Variants in VWA7 observed in about 807,000 individuals in gnomAD.
VWA7 encodes the protein von Willebrand factor A domain containing 7, also known as von Willebrand factor A domain-containing protein 7.
VWA7 carries 66 observed loss-of-function variants against 83.1 expected under a neutral mutation model. The observed-to-expected ratio is 0.79, with a 90% CI of 0.65 to 0.98. The LOEUF is 0.98. Ranked by LOEUF, VWA7 falls within the 50% of genes least tolerant of loss-of-function variation. The probability of loss-of-function intolerance (pLI) is 0.00; values close to 1 mark genes in which losing one functional copy is unlikely to be tolerated. For synonymous variants in VWA7, 424 were observed against 488.5 expected (o/e 0.87, Z 1.74); for missense variants, 1,080 against 1,160.2 (o/e 0.93, Z 1.00).
Position 31,769,335 on chromosome 6 carries a change from T to C in VWA7, c.1318-132A>G. 8.7e-7 allele frequency: 1 copy of C among 1,146,706 alleles called. No homozygotes were observed. The highest frequency in any genetic ancestry group is 1.2e-6 in the Non-Finnish European group (1 of 826,946). 71.0% of individuals were successfully genotyped at this position (1,146,706 alleles called of 1,614,324 possible). On this transcript the variant is annotated intron_variant, in intron 9 of 16. Transcript: ENST00000375688. The surrounding 1 kb of genome is among the most constrained non-coding windows in gnomAD (Gnocchi z 4.5). ...AGGTCTCTGCCTGCCTTCTGGCTGCTGGGGTGGGGAATCCCAATGACAGAA... is the reference window on the plus strand; with the variant it reads ...AGGTCTCTGCCTGCCTTCTGGCTGCCGGGGTGGGGAATCCCAATGACAGAA...
chr6:31,777,312 G>A lies in VWA7; in HGVS notation c.-219C>T. On this transcript the variant is annotated 5_prime_UTR_variant, in exon 1 of 17. Transcript: ENST00000375688. This position sits in a 1 kb window ranked among gnomAD's most constrained non-coding sequence, Gnocchi z 5.8. Reference sequence around the variant, plus strand: ...ACGCCAGGGCGGGCCTCCCTTGGCTGCAGTGCGGAGGTGAGTGAGAGCTGG... The same window carrying A: ...ACGCCAGGGCGGGCCTCCCTTGGCTACAGTGCGGAGGTGAGTGAGAGCTGG... 1 of 536,722 alleles carries A rather than the reference G, an allele frequency of 1.9e-6. No individual in the cohort carries two copies. Among genetic ancestry groups the A allele is most frequent in the Non-Finnish European group, 3.3e-6 (1 of 301,572 alleles). The allele number at this position is 536,722 out of a possible 1,614,324, so 33.2% of individuals were successfully genotyped here. A position where few individuals can be genotyped will look rare whatever the true frequency, so the allele number is the denominator to read the frequency against.
Position 31,765,661 on chromosome 6 carries a change from G to GCCAGCCCTGCC in VWA7, c.2598_2608dup (p.Ala870GlyfsTer21), listed in dbSNP as rs769073579. ...TGTGCCCCACCAGGGGCTGCCCGCA[G>GCCAGCCCTGCC]CCAGCCCTGCCCCAGCCCTGCCTTG... On this transcript the variant is annotated frameshift_variant, in exon 17 of 17. Coordinates refer to ENST00000375688, the MANE Select transcript of VWA7 (RefSeq NM_025258.3). LOFTEE classifies it low-confidence loss of function (END_TRUNC). 12 of 1,606,862 alleles carry GCCAGCCCTGCC rather than the reference G, an allele frequency of 7.5e-6. No homozygotes were observed. The highest frequency in any genetic ancestry group is 4.4e-5 in the South Asian group (4 of 90,170).
At position 31,770,047 on chromosome 6, in the gene VWA7, G is replaced by A. The variant is rs1306950290; in HGVS notation, c.1154C>T (p.Ala385Val). The change falls in exon 8 of 17, where the codon GCC (alanine) becomes GTC (valine). Residue 385 changes from alanine to valine, a missense_variant. By Grantham distance (64) the Ala-to-Val change is moderately conservative (BLOSUM62 0). Coordinates refer to ENST00000375688, the MANE Select transcript of VWA7 (RefSeq NM_025258.3). ...CTCAGGCTCGTCTCCACCCCCCAAG[G>A]CATGGATCTCATTAAGCTGTTGCCA... ...SFWQQLNEIH[A>V]LGGGDEPEMC... The A allele has an allele frequency of 1.2e-6, 2 of 1,612,946 alleles. No individual in the cohort carries two copies. Among genetic ancestry groups the A allele is most frequent in the Non-Finnish European group, 1.7e-6 (2 of 1,180,004 alleles).
chr6:31,768,748 G>C (rs551313268), intron 10 of VWA7, among the ~76,000 whole-genome samples: 1 of 152,228 alleles, frequency 6.6e-6, no homozygotes, highest in Admixed American at 6.5e-5. Context: ...GGAGGCTGAG[G>C]CAGGAGAATC....
chr6:31,773,410 T>G lies in VWA7; in HGVS notation c.749A>C (p.Asp250Ala). Residue 250 changes from aspartate to alanine, a missense_variant, in exon 6 of 17, where the codon GAC (aspartate) becomes GCC (alanine). Asp to Ala is a moderately radical substitution (Grantham distance 126). Transcript: ENST00000375688. The surrounding 1 kb of genome is among the most constrained non-coding windows in gnomAD (Gnocchi z 5.3). Reference protein sequence around the residue: ...PGKCSHGGHFDRSSSQPPRGG... With the variant: ...PGKCSHGGHFARSSSQPPRGG... The stretch of plus-strand genomic sequence containing the variant: ...CCTCGGTGGCTGGGAGCTGCTCCGG[T>G]CAAAATGGCCCCCGTGGCTACATTT... 6.2e-7 allele frequency: 1 copy of G among 1,601,054 alleles called. No homozygotes were observed. The highest frequency in any genetic ancestry group is 8.5e-7 in the Non-Finnish European group (1 of 1,174,322).
At position 31,770,009 on chromosome 6, in the gene VWA7, C is replaced by T. The variant is rs755625728; in HGVS notation, c.1192G>A (p.Ala398Thr). The T allele has an allele frequency of 7.4e-6, 12 of 1,612,834 alleles. 1 individual carries two copies. Among genetic ancestry groups the T allele is most frequent in the Non-Finnish European group, 9.3e-6 (11 of 1,179,932 alleles). ...GAAGGGAGGGGCCAGACCTGCAGGGCTGACAGGCACATCTCAGGCTCGTCT... is the reference window on the plus strand; with the variant it reads ...GAAGGGAGGGGCCAGACCTGCAGGGTTGACAGGCACATCTCAGGCTCGTCT... ...GGDEPEMCLS[A>T]LQLALLHTPP... Residue 398 changes from alanine to threonine, a missense_variant, in exon 8 of 17, where the codon GCC becomes ACC. By Grantham distance (58) the Ala-to-Thr change is moderately conservative. Coordinates refer to ENST00000375688, the MANE Select transcript of VWA7 (RefSeq NM_025258.3).
chr6:31,776,100 A>T lies in VWA7; in HGVS notation c.377T>A (p.Leu126Gln), dbSNP rs778858150. The T allele has an allele frequency of 6.8e-6, 11 of 1,613,906 alleles. No individual in the cohort carries two copies. Among genetic ancestry groups the T allele is most frequent in the Non-Finnish European group, 9.3e-6 (11 of 1,180,038 alleles). ...ACCCAGTCGCTCAGCATCAAAGTGC[A>T]GGTCGGGGTCATTCCTGGAAGTTGG... ...FLPTSRNDPD[L>Q]HFDAERLGQG... Residue 126 changes from leucine (L) to glutamine (Q), a missense_variant, in exon 3 of 17, where the codon CTG (leucine) becomes CAG (glutamine). By Grantham distance (113) the Leu-to-Gln change is moderately radical (BLOSUM62 -2). Transcript: ENST00000375688. This position sits in a 1 kb window ranked among gnomAD's most constrained non-coding sequence, Gnocchi z 6.2.
Position 31,777,040 on chromosome 6 carries a change from G to C in VWA7, c.-16+69C>G. On this transcript the variant is annotated intron_variant, in intron 1 of 16. Transcript: ENST00000375688. The surrounding 1 kb of genome is among the most constrained non-coding windows in gnomAD (Gnocchi z 5.8). ...GCCCCCCTCCCCAGTCCCTGGCTGC[G>C]TCCCCAGCCCTGCCGCAGAAACACT... 2.4e-6 allele frequency: 1 copy of C among 413,136 alleles called. No individual in the cohort carries two copies. Among genetic ancestry groups the C allele is most frequent in the South Asian group, 8.7e-5 (1 of 11,476 alleles). 25.6% of individuals were successfully genotyped at this position (413,136 alleles called of 1,614,324 possible).
intron 7 of VWA7, among the ~76,000 whole-genome samples, chr6:31,771,990 CAAAAAAAAAAAA>C (rs34193146): frequency 7.2e-5 from 3 of 41,936 alleles, no homozygotes; most frequent in Admixed American, 5.9e-4. Flanking sequence ...GACTCCGTCT[CAAAAAAAAAAAA>C]AAAAAAAAAA....
chr6:31,775,836 C>A lies in VWA7; in HGVS notation c.513+128G>T. The A allele has an allele frequency of 7.0e-7, 1 of 1,419,106 alleles. No homozygotes were observed. Among genetic ancestry groups the A allele is most frequent in the Non-Finnish European group, 9.4e-7 (1 of 1,059,934 alleles). The allele number at this position is 1,419,106 out of a possible 1,614,324, so 87.9% of individuals were successfully genotyped here. On this transcript the variant is annotated intron_variant, in intron 3 of 16. Transcript: ENST00000375688. This position sits in a 1 kb window ranked among gnomAD's most constrained non-coding sequence, Gnocchi z 5.9. ...GAACTGGGACACAGCCTCGGGGCACCGCGTGCCAGTGCCCACCCCTTCCAG... is the reference window on the plus strand; with the variant it reads ...GAACTGGGACACAGCCTCGGGGCACAGCGTGCCAGTGCCCACCCCTTCCAG...
Position 31,773,431 on chromosome 6 carries a change from C to T in VWA7, c.728G>A (p.Cys243Tyr), listed in dbSNP as rs1052368919. ...CCGGTCAAAATGGCCCCCGTGGCTA[C>T]ATTTCCCTGGGTTGGGGAAAGGGAT... ...GTHPPKPPGK[C>Y]SHGGHFDRSS... Residue 243 changes from cysteine to tyrosine, a missense_variant, in exon 6 of 17, where the codon TGT becomes TAT. By Grantham distance (194) the Cys-to-Tyr change is radical (BLOSUM62 -2). Coordinates refer to ENST00000375688, the MANE Select transcript of VWA7 (RefSeq NM_025258.3). The surrounding 1 kb of genome is among the most constrained non-coding windows in gnomAD (Gnocchi z 5.3). 5 of 1,588,454 alleles carry T rather than the reference C, an allele frequency of 3.1e-6. No homozygotes were observed. Among genetic ancestry groups the T allele is most frequent in the Non-Finnish European group, 8.6e-7 (1 of 1,168,002 alleles).
rs181231987 is a variant in VWA7 at position 31,773,161 on chromosome 6, C to T, written c.918-38G>A. 27 of 1,600,272 alleles carry T rather than the reference C, an allele frequency of 1.7e-5. No individual in the cohort carries two copies. In the Admixed American group the frequency reaches 2.8e-4, roughly 16 times the overall value. ...CCAGAGACACAGTGAAGGGCCTGCA[C>T]GTTTGTCCCCAGCGCCTGGTTTCTC... On this transcript the variant is annotated intron_variant, in intron 6 of 16. Coordinates refer to ENST00000375688, the MANE Select transcript of VWA7 (RefSeq NM_025258.3). This position sits in a 1 kb window ranked among gnomAD's most constrained non-coding sequence, Gnocchi z 5.3.
rs932964935 is a variant in VWA7, at chr6:31,773,898, T to C, written c.722-461A>G. On this transcript the variant is annotated intron_variant, in intron 5 of 16. Coordinates refer to ENST00000375688, the MANE Select transcript of VWA7 (RefSeq NM_025258.3). This position sits in a 1 kb window ranked among gnomAD's most constrained non-coding sequence, Gnocchi z 5.3. Reference sequence around the variant, plus strand: ...GGCTGGGCACGGTGGCTCACACCAGTAATCCCAGCATTTTGGGAGGCTGAG... The same window carrying C: ...GGCTGGGCACGGTGGCTCACACCAGCAATCCCAGCATTTTGGGAGGCTGAG... Among the ~76,000 whole-genome samples the C allele has an allele frequency of 6.6e-6, 1 of 150,890 alleles. No individual in the cohort carries two copies. Among genetic ancestry groups the C allele is most frequent in the Non-Finnish European group, 1.5e-5 (1 of 67,810 alleles).
chr6:31,776,665 C>T lies in VWA7; in HGVS notation c.115G>A (p.Ala39Thr), dbSNP rs2151411900. The T allele has an allele frequency of 3.9e-6, 6 of 1,541,218 alleles. No individual in the cohort carries two copies. In the South Asian group the frequency reaches 7.2e-5, roughly 18 times the overall value. The change falls in exon 2 of 17, where the codon GCC becomes ACC. Residue 39 changes from alanine (A) to threonine (T), a missense_variant. Physicochemically the swap from Ala to Thr is moderately conservative, Grantham distance 58. Transcript: ENST00000375688. This position sits in a 1 kb window ranked among gnomAD's most constrained non-coding sequence, Gnocchi z 6.2. ...FFPNIWSLLA[A>T]PGSITHQDLT... is the part of the protein sequence containing the mutation. ...TCTTGGTGGGTGATGGAGCCAGGGG[C>T]AGCCAGCAGGCTCCAGATGTTGGGG...
In VWA7 at chr6:31,766,841, T is replaced by C. The variant is rs1811642404; in HGVS notation, c.1883-77A>G. 6.7e-7 allele frequency: 1 copy of C among 1,489,788 alleles called. No homozygotes were observed. Among genetic ancestry groups the C allele is most frequent in the South Asian group, 1.3e-5 (1 of 77,428 alleles). The allele number at this position is 1,489,788 out of a possible 1,614,324, so 92.3% of individuals were successfully genotyped here. Reference sequence around the variant, plus strand: ...AGAAAAGAATTAATGGCCTTCAAAATAGGGGTTCCCTCTGGGGAGTATGGA... The same window carrying C: ...AGAAAAGAATTAATGGCCTTCAAAACAGGGGTTCCCTCTGGGGAGTATGGA... On this transcript the variant is annotated intron_variant, in intron 13 of 16. Coordinates refer to ENST00000375688, the MANE Select transcript of VWA7 (RefSeq NM_025258.3). This position sits in a 1 kb window ranked among gnomAD's most constrained non-coding sequence, Gnocchi z 4.9.
chr6:31,776,097 T>G lies in VWA7; in HGVS notation c.380A>C (p.His127Pro). The change falls in exon 3 of 17, where the codon CAC becomes CCC. Residue 127 changes from histidine to proline, a missense_variant. Physicochemically the swap from His to Pro is moderately conservative, Grantham distance 77 (BLOSUM62 -2). Coordinates refer to ENST00000375688, the MANE Select transcript of VWA7 (RefSeq NM_025258.3). The surrounding 1 kb of genome is among the most constrained non-coding windows in gnomAD (Gnocchi z 6.2). ...CTGACCCAGTCGCTCAGCATCAAAG[T>G]GCAGGTCGGGGTCATTCCTGGAAGT... ...LPTSRNDPDLHFDAERLGQGR... is the reference protein window; with the variant it reads ...LPTSRNDPDLPFDAERLGQGR... The G allele has an allele frequency of 6.2e-7, 1 of 1,613,944 alleles. No individual in the cohort carries two copies. The highest frequency in any genetic ancestry group is 8.5e-7 in the Non-Finnish European group (1 of 1,180,012).
rs1451681439 is a variant in VWA7, at chr6:31,769,431, C to G, written c.1318-228G>C. ...CAGTGGATTTTTGGCGACTAGAGCC[C>G]CAGTTCTTCACATTGTTTATTAGGC... On this transcript the variant is annotated intron_variant, in intron 9 of 16. Coordinates refer to ENST00000375688, the MANE Select transcript of VWA7 (RefSeq NM_025258.3). The surrounding 1 kb of genome is among the most constrained non-coding windows in gnomAD (Gnocchi z 4.5). 6.6e-6 allele frequency among the ~76,000 whole-genome samples: 1 copy of G among 152,156 alleles called. No individual in the cohort carries two copies. The highest frequency in any genetic ancestry group is 1.5e-5 in the Non-Finnish European group (1 of 68,026).
chr6:31,769,354 G>A lies in VWA7; in HGVS notation c.1318-151C>T. On this transcript the variant is annotated intron_variant, in intron 9 of 16. Coordinates refer to ENST00000375688, the MANE Select transcript of VWA7 (RefSeq NM_025258.3). This position sits in a 1 kb window ranked among gnomAD's most constrained non-coding sequence, Gnocchi z 4.5. The stretch of plus-strand genomic sequence containing the variant: ...GGCTGCTGGGGTGGGGAATCCCAAT[G>A]ACAGAACCCCCTGCCTTCAGTTAGT... 8 of 1,004,006 alleles carry A rather than the reference G, an allele frequency of 8.0e-6. No homozygotes were observed. The highest frequency in any genetic ancestry group is 1.1e-5 in the Non-Finnish European group (8 of 702,072). The allele number at this position is 1,004,006 out of a possible 1,614,324, so 62.2% of individuals were successfully genotyped here. A position where few individuals can be genotyped will look rare whatever the true frequency, so the allele number is the denominator to read the frequency against.
In VWA7 at chr6:31,773,564, G is replaced by T. The variant is rs9461723; in HGVS notation, c.722-127C>A. The T allele has an allele frequency of 2.0e-6, 2 of 1,018,854 alleles. No individual in the cohort carries two copies. The highest frequency in any genetic ancestry group is 3.6e-5 in the South Asian group (2 of 55,300). 63.1% of individuals were successfully genotyped at this position (1,018,854 alleles called of 1,614,324 possible). On this transcript the variant is annotated intron_variant, in intron 5 of 16. Coordinates refer to ENST00000375688, the MANE Select transcript of VWA7 (RefSeq NM_025258.3). The surrounding 1 kb of genome is among the most constrained non-coding windows in gnomAD (Gnocchi z 5.3). ...CAAGGGTTCAGCAAGAAATGATGAC[G>T]GGGTTGGCGCGGTGGCTCACGCCTG... is the stretch of plus-strand genomic sequence containing the variant.
Sources: allele counts gnomAD v4.1 joint callset (sites outside exome capture counted in the v4.1 genomes callset), GRCh38; gene constraint gnomAD v4.1.1; non-coding constraint Gnocchi (gnomAD v3.1); transcripts MANE v1.5; gene names NCBI Gene and HGNC (gene_info 2026-07-23, HGNC 2026-07-21).